Variants in STIM1 observed in about 807,000 individuals in gnomAD.
STIM1 encodes the protein stromal interaction molecule 1.
STIM1 carries 25 observed loss-of-function variants against 74.7 expected under a neutral mutation model. That is an observed-to-expected ratio of 0.33 (90% CI 0.24 to 0.47). The LOEUF is 0.47. STIM1 is among the 20% of genes least tolerant of loss of function. The probability of loss-of-function intolerance (pLI) is 1.00; values close to 1 mark genes in which losing one functional copy is unlikely to be tolerated. For synonymous variants in STIM1, 328 were observed against 348.8 expected (o/e 0.94, Z 0.66); for missense variants, 728 against 920.8 (o/e 0.79, Z 2.71).
In STIM1 at chr11:3,973,471, CT is replaced by C. The variant is rs537667038; in HGVS notation, c.270+5790del. On this transcript the variant is annotated intron_variant, in intron 2 of 12. Coordinates refer to ENST00000526596, the MANE Select transcript of STIM1 (RefSeq NM_001382567.1). ...CTGGAGTGCAGTGGTGTGAACACAGCTCACTGCAGCTTGGACCTCCGGGGCT... is the reference window on the plus strand; with the variant it reads ...CTGGAGTGCAGTGGTGTGAACACAGCCACTGCAGCTTGGACCTCCGGGGCT... 5.7e-5 allele frequency: 15 copies of C among 261,966 alleles called. No individual in the cohort carries two copies. The South Asian group carries it at 6.3e-4, about 11-fold the overall frequency. The allele number at this position is 261,966 out of a possible 1,614,324, so 16.2% of individuals were successfully genotyped here. A position where few individuals can be genotyped will look rare whatever the true frequency, so the allele number is the denominator to read the frequency against.
intron 2 of STIM1, among the ~76,000 whole-genome samples, chr11:4,004,928 G>C (rs1240722741): frequency 1.3e-5 from 2 of 152,214 alleles, no homozygotes; most frequent in Admixed American, 6.5e-5. Context: ...CAAAGGATAT[G>C]AACAGACACT....
chr11:3,932,966 A>G (rs900276546), intron 1 of STIM1, among the ~76,000 whole-genome samples: 2 of 152,224 alleles, frequency 1.3e-5, no homozygotes, highest in African/African-American at 4.8e-5. Context: ...TTTTGTCCCC[A>G]GTAGAAAACA....
chr11:3,891,541 A>G (rs368628266), intron 1 of STIM1, among the ~76,000 whole-genome samples: 166 of 152,172 alleles, frequency 1.1e-3, no homozygotes, highest in African/African-American at 3.9e-3. Flanking sequence ...CACCTCAGCC[A>G]CCCAAAGTGC....
chr11:3,880,125 G>T (rs1443945155), intron 1 of STIM1, among the ~76,000 whole-genome samples: 1 of 152,188 alleles, frequency 6.6e-6, no homozygotes, highest in African/African-American at 2.4e-5. Context: ...GCTGTTGTTT[G>T]CTGGCCTCAT....
chr11:3,895,658 CTTTCTTTCTTTCT>C (rs1565104680), intron 1 of STIM1, among the ~76,000 whole-genome samples: 59 of 17,714 alleles, frequency 3.3e-3, no homozygotes, highest in South Asian at 7.9e-3. Context: ...TTCTTTCTTT[CTTTCTTTCTTTCT>C]TTCCTTCCTT....
At chr11:3,983,957 C>T (rs991440894) in intron 2 of STIM1, among the ~76,000 whole-genome samples, 2 of 152,010 alleles carry the variant, frequency 1.3e-5, no homozygotes, top group African/African-American at 4.8e-5. Flanking sequence ...ACCTCCGCCT[C>T]CTGGATTCAA....
intron 7 of STIM1, among the ~76,000 whole-genome samples, chr11:4,081,180 T>C (rs2094463597): frequency 6.6e-6 from 1 of 152,226 alleles, no homozygotes. Context: ...ATAAGACTGC[T>C]TTCAATGCAT....
At chr11:4,089,763 T>C (rs751743488) in intron 12 of STIM1, among the ~76,000 whole-genome samples, 3 of 152,218 alleles carry the variant, frequency 2.0e-5, no homozygotes, top group Non-Finnish European at 4.4e-5. Context: ...CCTTCCTAAC[T>C]TCTGACCCTC....
At chr11:3,856,551 C>G (rs2090378294) in intron 1 of STIM1, 142 bp downstream of exon 1, 2 of 1,065,340 alleles carry the variant, frequency 1.9e-6, no homozygotes, top group South Asian at 1.7e-5. Context: ...CCAAGTAGTT[C>G]AAGAAGTTCT....
At chr11:4,014,621 T>TGACA (rs2093877335) in intron 2 of STIM1, among the ~76,000 whole-genome samples, 3 of 152,154 alleles carry the variant, frequency 2.0e-5, no homozygotes, top group Non-Finnish European at 4.4e-5. Context: ...TTTTCTGTCT[T>TGACA]GTTTATCTGT....
chr11:3,870,682 A>G (rs1020830108), intron 1 of STIM1, among the ~76,000 whole-genome samples: 1 of 151,824 alleles, frequency 6.6e-6, no homozygotes, highest in African/African-American at 2.4e-5. Context: ...TTTTTTGTAG[A>G]GATGGGGGTC....
intron 2 of STIM1, among the ~76,000 whole-genome samples, chr11:4,019,423 G>A (rs2093934588): frequency 6.6e-6 from 1 of 151,902 alleles, no homozygotes; most frequent in Admixed American, 6.6e-5. Context: ...CCTGTAATCC[G>A]AGCACTTTGG....
chr11:3,923,500 T>G (rs2092746614), intron 1 of STIM1, among the ~76,000 whole-genome samples: 1 of 151,716 alleles, frequency 6.6e-6, no homozygotes, highest in Non-Finnish European at 1.5e-5. Context: ...TCCCAGCTAC[T>G]TGGGAGGCTG....
At position 3,987,804 on chromosome 11, in the gene STIM1, GACACACACACAC is replaced by G. The variant is rs55772228; in HGVS notation, c.270+20150_270+20161del. Among the ~76,000 whole-genome samples the G allele has an allele frequency of 1.6e-3, 233 of 145,382 alleles. 1 individual carries two copies. Among genetic ancestry groups the G allele is most frequent in the Non-Finnish European group, 2.5e-3 (163 of 65,640 alleles). On this transcript the variant is annotated intron_variant, in intron 2 of 12. Transcript: ENST00000526596. ...CTTAATAGGATATTTTGTCCTTAAGGACACACACACACACACACACACACACACACACACACA... is the reference window on the plus strand; with the variant it reads ...CTTAATAGGATATTTTGTCCTTAAGGACACACACACACACACACACACACA...
At chr11:3,912,623 C>T (rs2092583493) in intron 1 of STIM1, among the ~76,000 whole-genome samples, 1 of 152,142 alleles carries the variant, frequency 6.6e-6, no homozygotes, top group African/African-American at 2.4e-5. Context: ...GCCTTGGCCT[C>T]CCAAAGTGTT....
intron 1 of STIM1, among the ~76,000 whole-genome samples, chr11:3,859,184 G>T (rs12280056): frequency 0.24 from 36,113 of 152,088 alleles, 5,009 homozygotes; most frequent in South Asian, 0.37. Context: ...TCCTAAGATT[G>T]ATTTAGTTAA....
At chr11:3,961,028 A>G (rs1347903479) in intron 1 of STIM1, among the ~76,000 whole-genome samples, 1 of 151,900 alleles carries the variant, frequency 6.6e-6, no homozygotes, top group Non-Finnish European at 1.5e-5. Flanking sequence ...TTTTGGAGAC[A>G]GGGTCTCACT....
intron 2 of STIM1, among the ~76,000 whole-genome samples, chr11:4,000,656 G>C (rs1307004895): frequency 6.6e-6 from 1 of 152,134 alleles, no homozygotes. Context: ...CAGAAAAACT[G>C]GAAACTCTAA....
intron 1 of STIM1, among the ~76,000 whole-genome samples, chr11:3,935,406 A>G (rs902712637): frequency 3.3e-5 from 5 of 152,190 alleles, no homozygotes; most frequent in African/African-American, 1.2e-4. Flanking sequence ...TTATGTTTGT[A>G]ATGCCTGTAG....
Sources: gnomAD v4.1 joint callset for allele counts (sites outside exome capture counted in the v4.1 genomes callset) on GRCh38, gnomAD v4.1.1 for gene constraint, MANE v1.5 for transcripts, NCBI Gene and HGNC (gene_info 2026-07-23, HGNC 2026-07-21) for gene names.